PDE10A: variants seen among roughly 807,000 people sequenced by gnomAD.
PDE10A encodes phosphodiesterase 10A.
Under a neutral mutation model 97.7 loss-of-function variants are expected in PDE10A, and 39 were observed. That is an observed-to-expected ratio of 0.40 (90% CI 0.31 to 0.52). PDE10A has a LOEUF of 0.52. Among genes scored for constraint, PDE10A ranks in the 20% least tolerant of loss-of-function variants. PDE10A has a pLI of 0.56. For synonymous variants in PDE10A, 371 were observed against 376.8 expected (o/e 0.98, Z 0.18); for missense variants, 731 against 1,047.8 (o/e 0.70, Z 4.17).
intron 1 of PDE10A, among the ~76,000 whole-genome samples, chr6:165,967,988 G>A (rs1448187356): frequency 2.6e-5 from 4 of 152,196 alleles, no homozygotes; most frequent in Non-Finnish European, 2.9e-5. Context: ...CTCTGGTGTC[G>A]ATGCTGAGCA....
chr6:165,922,556 C>A (rs1396614502), intron 1 of PDE10A, among the ~76,000 whole-genome samples: 1 of 152,142 alleles, frequency 6.6e-6, no homozygotes, highest in Non-Finnish European at 1.5e-5. Flanking sequence ...TTCAAAAAAT[C>A]TGGGACAATC....
chr6:165,821,729 G>C, intron 1 of PDE10A, among the ~76,000 whole-genome samples: 1 of 152,092 alleles, frequency 6.6e-6, no homozygotes, highest in East Asian at 1.9e-4. Context: ...TTTTAGTAGA[G>C]ACAGGGTTTC....
At position 165,354,245 on chromosome 6, in the gene PDE10A, G is replaced by A. The variant is rs781102081; in HGVS notation, c.2784-10743C>T. ...GGAAGTGTATTTCTGACTTAAGACCGTAACTTAACAGAGAAAAAAATAATT... is the reference window on the plus strand; with the variant it reads ...GGAAGTGTATTTCTGACTTAAGACCATAACTTAACAGAGAAAAAAATAATT... On this transcript the variant is annotated intron_variant, in intron 18 of 21. Transcript: ENST00000539869. Among the ~76,000 whole-genome samples the A allele has an allele frequency of 5.3e-5, 8 of 152,218 alleles. No homozygotes were observed. In the East Asian group the frequency reaches 5.8e-4, roughly 11 times the overall value.
At chr6:165,333,226 A>T in intron 21 of PDE10A, 99 bp from the exon 22 acceptor site, 1 of 764,256 alleles carries the variant, frequency 1.3e-6, no homozygotes, top group Non-Finnish European at 2.3e-6. Context: ...AGCTCTGCAC[A>T]ACGGCATTGT....
At chr6:165,856,636 C>G (rs1717557752) in intron 1 of PDE10A, among the ~76,000 whole-genome samples, 1 of 152,188 alleles carries the variant, frequency 6.6e-6, no homozygotes, top group South Asian at 2.1e-4. Context: ...CATTTTTACT[C>G]TATTATACAC....
intron 1 of PDE10A, among the ~76,000 whole-genome samples, chr6:165,681,359 G>A (rs76377034): frequency 0.016 from 2,496 of 152,042 alleles, 34 homozygotes; most frequent in South Asian, 0.048. Context: ...CTCTTTTTAG[G>A]CATCAACCCT....
intron 1 of PDE10A, among the ~76,000 whole-genome samples, chr6:165,912,209 T>C (rs1441342100): frequency 6.6e-6 from 1 of 151,672 alleles, no homozygotes; most frequent in Non-Finnish European, 1.5e-5. Context: ...TATCCATCTA[T>C]TGATCACCTA....
chr6:165,465,368 T>C (rs1490115108), intron 3 of PDE10A, among the ~76,000 whole-genome samples: 1 of 152,166 alleles, frequency 6.6e-6, no homozygotes, highest in Non-Finnish European at 1.5e-5. Context: ...AAAGGGCCAG[T>C]AGATATTCAC....
At chr6:165,717,583 C>CAAA (rs34254822) in intron 1 of PDE10A, among the ~76,000 whole-genome samples, 309 of 146,548 alleles carry the variant, frequency 2.1e-3, no homozygotes, top group Non-Finnish European at 2.8e-3. Context: ...GACTCCGTCT[C>CAAA]AAAAAAAAAA....
chr6:165,492,770 G>C (rs1379886086), intron 2 of PDE10A, among the ~76,000 whole-genome samples: 2 of 152,124 alleles, frequency 1.3e-5, no homozygotes, highest in African/African-American at 4.8e-5. Flanking sequence ...TTCCTTCTGA[G>C]AACTGGAACA....
At chr6:165,343,342 G>T in intron 19 of PDE10A, 49 bp downstream of exon 19, 1 of 1,247,492 alleles carries the variant, frequency 8.0e-7, no homozygotes, top group Non-Finnish European at 1.2e-6. Flanking sequence ...TGATCCATAC[G>T]TTTTATTTCT....
chr6:165,363,439 C>T (rs1455462928), intron 18 of PDE10A, among the ~76,000 whole-genome samples: 3 of 151,784 alleles, frequency 2.0e-5, no homozygotes, highest in East Asian at 1.9e-4. Flanking sequence ...TGCTTGAACC[C>T]GGGGGAAGGA....
At chr6:165,758,554 AGAG>A (rs1352450695) in intron 1 of PDE10A, among the ~76,000 whole-genome samples, 1 of 151,346 alleles carries the variant, frequency 6.6e-6, no homozygotes, top group Non-Finnish European at 1.5e-5. Flanking sequence ...AGGAAGAAGA[AGAG>A]GAAGAGGAAG....
At chr6:165,620,412 C>T (rs535170108) in intron 1 of PDE10A, among the ~76,000 whole-genome samples, 3 of 152,288 alleles carry the variant, frequency 2.0e-5, no homozygotes, top group African/African-American at 7.2e-5. Flanking sequence ...GAGCAATTTC[C>T]CACCAGCCTT....
At chr6:165,558,775 A>G (rs1784381169) in intron 1 of PDE10A, among the ~76,000 whole-genome samples, 2 of 152,256 alleles carry the variant, frequency 1.3e-5, no homozygotes, top group African/African-American at 4.8e-5. Flanking sequence ...GAAGGCAAAT[A>G]AAGATGAATA....
intron 1 of PDE10A, among the ~76,000 whole-genome samples, chr6:165,676,829 C>G (rs1016864483): frequency 6.6e-6 from 1 of 152,170 alleles, no homozygotes; most frequent in Non-Finnish European, 1.5e-5. Context: ...GCGAGCGCCT[C>G]CCTTCCTGCC....
At chr6:165,553,642 G>A (rs1192994344) in intron 1 of PDE10A, among the ~76,000 whole-genome samples, 3 of 152,022 alleles carry the variant, frequency 2.0e-5, no homozygotes, top group Non-Finnish European at 4.4e-5. Flanking sequence ...CAGCCTAAGG[G>A]GTGCCTTAGC....
intron 18 of PDE10A, among the ~76,000 whole-genome samples, chr6:165,360,260 T>C (rs1783318548): frequency 6.6e-6 from 1 of 152,116 alleles, no homozygotes; most frequent in South Asian, 2.1e-4. Flanking sequence ...GCCTGTGAAA[T>C]TCCACCCCAG....
intron 1 of PDE10A, among the ~76,000 whole-genome samples, chr6:165,842,015 A>C (rs547843249): frequency 3.2e-4 from 49 of 152,332 alleles, no homozygotes; most frequent in African/African-American, 1.1e-3. Flanking sequence ...GATAGAATAC[A>C]AAAAAGGAAA....
Sources: gnomAD v4.1 joint callset for allele counts (sites outside exome capture counted in the v4.1 genomes callset) on GRCh38, gnomAD v4.1.1 for gene constraint, MANE v1.5 for transcripts, NCBI Gene and HGNC (gene_info 2026-07-23, HGNC 2026-07-21) for gene names.